The following FBXL20 variants were observed in gnomAD, a reference collection of about 807,000 sequenced individuals.
FBXL20 encodes F-box and leucine rich repeat protein 20.
Under a neutral mutation model 64.0 loss-of-function variants are expected in FBXL20, and 11 were observed. That is an observed-to-expected ratio of 0.17 (90% CI 0.11 to 0.28). The LOEUF (loss-of-function observed/expected upper bound fraction) is 0.28. FBXL20 is among the 10% of genes least tolerant of loss of function. The pLI is 1.00. For missense variants in FBXL20, 303 were observed against 526.2 expected (o/e 0.58, Z 4.15); for synonymous variants, 184 against 189.0 (o/e 0.97, Z 0.22).
intron 2 of FBXL20, among the ~76,000 whole-genome samples, chr17:39,340,213 C>T (rs959182815): frequency 3.3e-5 from 5 of 152,248 alleles, no homozygotes; most frequent in African/African-American, 1.2e-4. Flanking sequence ...TCTCCTGCCT[C>T]AGCCTCCCGA....
chr17:39,358,698 AC>A (rs2047765503), intron 1 of FBXL20, among the ~76,000 whole-genome samples: 1 of 152,034 alleles, frequency 6.6e-6, no homozygotes, highest in Non-Finnish European at 1.5e-5. Flanking sequence ...AAACAAAAAA[AC>A]AAAAAAACAA....
intron 2 of FBXL20, among the ~76,000 whole-genome samples, chr17:39,332,847 T>A (rs10221223): frequency 5.3e-5 from 8 of 151,924 alleles, no homozygotes; most frequent in Non-Finnish European, 1.2e-4. Flanking sequence ...AGCTGTATCC[T>A]TTCTTATAAT....
intron 1 of FBXL20, among the ~76,000 whole-genome samples, chr17:39,351,992 AATT>A (rs1386523900): frequency 1.3e-5 from 2 of 152,226 alleles, no homozygotes; most frequent in African/African-American, 4.8e-5. Flanking sequence ...ACCAATGTAG[AATT>A]ATATCATCTA....
intron 6 of FBXL20, among the ~76,000 whole-genome samples, chr17:39,287,640 A>C (rs1283316156): frequency 2.5e-4 from 38 of 152,206 alleles, no homozygotes; most frequent in Admixed American, 2.5e-3. Context: ...TTTGGCCTCA[A>C]GTGATCCTCT....
intron 2 of FBXL20, among the ~76,000 whole-genome samples, chr17:39,333,034 C>A (rs1042136354): frequency 1.3e-5 from 2 of 150,194 alleles, no homozygotes; most frequent in African/African-American, 4.9e-5. Flanking sequence ...AACTCCTGGC[C>A]TGAAGCAATC....
At chr17:39,352,002 T>C (rs1296902525) in intron 1 of FBXL20, among the ~76,000 whole-genome samples, 2 of 152,238 alleles carry the variant, frequency 1.3e-5, no homozygotes, top group Non-Finnish European at 2.9e-5. Flanking sequence ...AATTATATCA[T>C]CTAATAGAGT....
chr17:39,386,539 G>T (rs778467643), intron 1 of FBXL20, among the ~76,000 whole-genome samples: 1 of 149,642 alleles, frequency 6.7e-6, no homozygotes, highest in Non-Finnish European at 1.5e-5. Flanking sequence ...CACAAAAATC[G>T]CTTGAACCCG....
intron 1 of FBXL20, among the ~76,000 whole-genome samples, chr17:39,379,268 C>T (rs963209773): frequency 4.0e-5 from 6 of 151,290 alleles, no homozygotes; most frequent in African/African-American, 7.3e-5. Flanking sequence ...AGGAAAATAA[C>T]AATTGTTGGC....
rs570327040 is a variant in FBXL20 at position 39,282,928 on chromosome 17, G to A, written c.495-73C>T. ...AAAAACACCAACGTCTCAATTTATT[G>A]GCTATTTAGTAAAGGAATGGAAACA... On this transcript the variant is annotated intron_variant, in intron 7 of 14. Transcript: ENST00000264658. 29 of 1,554,992 alleles carry A rather than the reference G, an allele frequency of 1.9e-5. No individual in the cohort carries two copies. In the East Asian group the frequency reaches 5.4e-4, roughly 29 times the overall value.
At chr17:39,266,430 G>A (rs964179043) in intron 12 of FBXL20, among the ~76,000 whole-genome samples, 3 of 152,110 alleles carry the variant, frequency 2.0e-5, no homozygotes, top group African/African-American at 4.8e-5. Flanking sequence ...ATGTTGGCCA[G>A]GCAGATCTCA....
chr17:39,333,853 G>A (rs1196668946), intron 2 of FBXL20, among the ~76,000 whole-genome samples: 230 of 135,774 alleles, frequency 1.7e-3, no homozygotes, highest in Middle Eastern at 3.6e-3. Flanking sequence ...TCTGGGAGGT[G>A]AGGAGCGTCT....
In FBXL20 at chr17:39,364,092, G is replaced by T. The variant is rs934396418; in HGVS notation, c.43-20851C>A. ...TTTAGTACAGACGGGGTTTCACCATGTTGGCCAGGCTGGTCTCGAACTCCT... is the reference window on the plus strand; with the variant it reads ...TTTAGTACAGACGGGGTTTCACCATTTTGGCCAGGCTGGTCTCGAACTCCT... On this transcript the variant is annotated intron_variant, in intron 1 of 14. Coordinates refer to ENST00000264658, the MANE Select transcript of FBXL20 (RefSeq NM_032875.3). 3.3e-5 allele frequency among the ~76,000 whole-genome samples: 5 copies of T among 152,000 alleles called. No homozygotes were observed. The East Asian group carries it at 7.7e-4, about 24-fold the overall frequency.
At chr17:39,355,900 T>C (rs1371764385) in intron 1 of FBXL20, among the ~76,000 whole-genome samples, 1 of 149,268 alleles carries the variant, frequency 6.7e-6, no homozygotes, top group Admixed American at 6.7e-5. Flanking sequence ...TAATCCAATT[T>C]CATAAAAATT....
At chr17:39,355,754 C>G (rs984693254) in intron 1 of FBXL20, among the ~76,000 whole-genome samples, 1 of 148,050 alleles carries the variant, frequency 6.8e-6, no homozygotes, top group African/African-American at 2.5e-5. Flanking sequence ...ACTTGGGAGG[C>G]TGAGGCAGGA....
intron 6 of FBXL20, among the ~76,000 whole-genome samples, chr17:39,286,712 G>C (rs2046991243): frequency 6.6e-6 from 1 of 151,600 alleles, no homozygotes; most frequent in South Asian, 2.1e-4. Context: ...GCAGAAGAAT[G>C]GCTTGAGCCC....
intron 1 of FBXL20, among the ~76,000 whole-genome samples, chr17:39,369,393 G>A (rs949066779): frequency 6.6e-6 from 1 of 151,670 alleles, no homozygotes; most frequent in Non-Finnish European, 1.5e-5. Context: ...GAGCAGCTGG[G>A]ATTACAGGCA....
At chr17:39,372,031 T>G (rs773339200) in intron 1 of FBXL20, among the ~76,000 whole-genome samples, 2 of 152,214 alleles carry the variant, frequency 1.3e-5, no homozygotes, top group Non-Finnish European at 2.9e-5. Context: ...AATCATGACC[T>G]GCCTCTTGCC....
intron 1 of FBXL20, among the ~76,000 whole-genome samples, chr17:39,388,927 C>A (rs2048109493): frequency 6.7e-6 from 1 of 148,976 alleles, no homozygotes; most frequent in Non-Finnish European, 1.5e-5. Context: ...CATAATGAAA[C>A]CCCCATCTCT....
chr17:39,381,952 G>C (rs1242166440), intron 1 of FBXL20, among the ~76,000 whole-genome samples: 1 of 150,574 alleles, frequency 6.6e-6, no homozygotes, highest in East Asian at 2.0e-4. Context: ...AAATTAGCTG[G>C]GCGTGGTGGC....
Sources: gnomAD v4.1 joint callset for allele counts (sites outside exome capture counted in the v4.1 genomes callset) on GRCh38, gnomAD v4.1.1 for gene constraint, MANE v1.5 for transcripts, NCBI Gene and HGNC (gene_info 2026-07-23, HGNC 2026-07-21) for gene names.